Variants in OR1J2 observed in about 807,000 individuals in gnomAD.
OR1J2 encodes olfactory receptor family 1 subfamily J member 2.
For missense variants in OR1J2, 304 were observed against 246.1 expected, an observed-to-expected ratio of 1.24 and a Z score of -1.57; for synonymous variants, 142 against 99.7, an observed-to-expected ratio of 1.42 and a Z score of -2.52.
chr9:122,568,300 T>C, the OR1J2 span: 19 of 1,613,866 alleles, frequency 1.2e-5, no homozygotes, highest in East Asian at 1.1e-4. Flanking sequence ...AAGAAATACA[T>C]AGGGGTCTGA....
chr9:122,488,136 GTTTT>G, the OR1J2 span, among the ~76,000 whole-genome samples: 1 of 151,852 alleles, frequency 6.6e-6, no homozygotes, highest in African/African-American at 2.4e-5. Flanking sequence ...TTGTTTGTTT[GTTTT>G]GTTTTTGTTT....
the OR1J2 span, among the ~76,000 whole-genome samples, chr9:122,458,257 G>T: frequency 6.6e-6 from 1 of 152,122 alleles, no homozygotes; most frequent in African/African-American, 2.4e-5. Flanking sequence ...CAGTTGTCAG[G>T]AATGAATGTT....
the OR1J2 span, among the ~76,000 whole-genome samples, chr9:122,488,655 G>T: frequency 6.6e-6 from 1 of 152,194 alleles, no homozygotes; most frequent in Non-Finnish European, 1.5e-5. Flanking sequence ...ATAAAAATGA[G>T]TGTGAGAATC....
the OR1J2 span, among the ~76,000 whole-genome samples, chr9:122,571,274 G>A: frequency 8.7e-4 from 132 of 152,222 alleles, no homozygotes; most frequent in African/African-American, 3.6e-4. Context: ...CATGCATGCC[G>A]GGCGCGGTGG....
the OR1J2 span, among the ~76,000 whole-genome samples, chr9:122,497,156 T>C: frequency 6.6e-6 from 1 of 152,144 alleles, no homozygotes; most frequent in Non-Finnish European, 1.5e-5. Flanking sequence ...GACTCACAGT[T>C]TTTTGGCATC....
At chr9:122,477,826 A>G in the OR1J2 span, 246 of 1,614,072 alleles carry the variant, frequency 1.5e-4, no homozygotes, top group Non-Finnish European at 2.0e-4. Flanking sequence ...GGTCAGGTAC[A>G]TGCCCAGGAA....
the OR1J2 span, among the ~76,000 whole-genome samples, chr9:122,454,284 G>A: frequency 1.3e-5 from 2 of 152,158 alleles, no homozygotes; most frequent in African/African-American, 2.4e-5. Flanking sequence ...TTGGGAGGCC[G>A]AGGTGGGTGG....
the OR1J2 span, among the ~76,000 whole-genome samples, chr9:122,489,022 A>G: frequency 7.2e-6 from 1 of 139,120 alleles, no homozygotes; most frequent in Non-Finnish European, 1.5e-5. Context: ...ACCCATTGAC[A>G]GGCCCTGGTG....
chr9:122,471,584 C>T, the OR1J2 span, among the ~76,000 whole-genome samples: 2 of 152,146 alleles, frequency 1.3e-5, no homozygotes, highest in East Asian at 1.9e-4. Context: ...GACCCTTATG[C>T]GTAAGAATTA....
At chr9:122,558,311 C>CTTTTT in the OR1J2 span, among the ~76,000 whole-genome samples, 38 of 34,474 alleles carry the variant, frequency 1.1e-3, 8 homozygotes, top group Non-Finnish European at 1.5e-3. Context: ...TTGGATTTTG[C>CTTTTT]TTTTTTTTTT....
At chr9:122,577,604 A>AT in the OR1J2 span, among the ~76,000 whole-genome samples, 234 of 152,282 alleles carry the variant, frequency 1.5e-3, 7 homozygotes, top group East Asian at 0.043. Context: ...CAGTGATACC[A>AT]TTTTTTCACC....
the OR1J2 span, among the ~76,000 whole-genome samples, chr9:122,556,282 CTT>C: frequency 0.019 from 2,791 of 144,400 alleles, 79 homozygotes; most frequent in African/African-American, 0.066. Context: ...TGTCTAGATT[CTT>C]TTTTTTTTTT....
At chr9:122,571,095 C>T in the OR1J2 span, among the ~76,000 whole-genome samples, 11 of 152,154 alleles carry the variant, frequency 7.2e-5, no homozygotes, top group Non-Finnish European at 1.0e-4. Flanking sequence ...TACAGAATTA[C>T]CCTCTTGCCA....
upstream of OR1J2, among the ~76,000 whole-genome samples, chr9:122,506,227 G>A (rs1011977789): frequency 6.6e-6 from 1 of 152,146 alleles, no homozygotes; most frequent in Non-Finnish European, 1.5e-5. Flanking sequence ...ACAGAGGGTA[G>A]AACAGAAGAG....
the OR1J2 span, chr9:122,476,866 C>A: frequency 1.6e-6 from 1 of 621,458 alleles, no homozygotes; most frequent in Non-Finnish European, 2.8e-6. Context: ...CCACCATGCC[C>A]GGCTAATTTT....
At chr9:122,530,402 C>T in the OR1J2 span, among the ~76,000 whole-genome samples, 12 of 152,202 alleles carry the variant, frequency 7.9e-5, no homozygotes, top group African/African-American at 1.7e-4. Context: ...GGAGGCTAAA[C>T]GTACTACACT....
chr9:122,488,793 G>A, the OR1J2 span, among the ~76,000 whole-genome samples: 1 of 152,104 alleles, frequency 6.6e-6, no homozygotes, highest in African/African-American at 2.4e-5. Flanking sequence ...GAAGAATATT[G>A]TATAAATATG....
the OR1J2 span, among the ~76,000 whole-genome samples, chr9:122,541,916 C>T: frequency 6.6e-6 from 1 of 152,188 alleles, no homozygotes; most frequent in Non-Finnish European, 1.5e-5. Context: ...TATGTATACA[C>T]CAATGTAAAC....
chr9:122,553,840 T>A, the OR1J2 span: 3 of 1,614,080 alleles, frequency 1.9e-6, no homozygotes, highest in Non-Finnish European at 2.5e-6. Flanking sequence ...TTGCTGTTCC[T>A]CACTGTTCCC....
Sources: gnomAD v4.1 joint callset for allele counts (sites outside exome capture counted in the v4.1 genomes callset) on GRCh38, gnomAD v4.1.1 for gene constraint, MANE v1.5 for transcripts, NCBI Gene and HGNC (gene_info 2026-07-23, HGNC 2026-07-21) for gene names.